SULT6B1: variants seen among roughly 807,000 people sequenced by gnomAD.
SULT6B1 encodes the protein sulfotransferase 6B1.
In SULT6B1, 44 loss-of-function variants were observed where a neutral mutation model predicts 37.2. The observed-to-expected ratio is 1.18, with a 90% CI of 0.93 to 1.52. The LOEUF (loss-of-function observed/expected upper bound fraction) is 1.52. Among genes scored for constraint, SULT6B1 ranks in the 40% most tolerant of loss-of-function variants. The pLI is 0.00. For missense variants in SULT6B1, 450 were observed against 361.0 expected, an observed-to-expected ratio of 1.25 and a Z score of -2.00; for synonymous variants, 140 against 126.0, an observed-to-expected ratio of 1.11 and a Z score of -0.74.
chr2:37,173,500 A>G (rs1387437287), intron 5 of SULT6B1, among the ~76,000 whole-genome samples: 1 of 152,168 alleles, frequency 6.6e-6, no homozygotes, highest in South Asian at 2.1e-4. Context: ...CCAACTGCCT[A>G]CTTGACTTCT....
chr2:37,191,316 CA>C (rs1357418177), upstream of SULT6B1: 5 of 146,240 alleles, frequency 3.4e-5, no homozygotes, highest in Admixed American at 1.4e-4. Context: ...TTTAGGACCA[CA>C]AGGGCAATAA....
At chr2:37,170,291 A>T (rs1676264801) in intron 6 of SULT6B1, among the ~76,000 whole-genome samples, 1 of 151,740 alleles carries the variant, frequency 6.6e-6, no homozygotes, top group South Asian at 2.1e-4. Context: ...ACATGGTGAA[A>T]CCCCATCTCT....
chr2:37,171,193 T>C lies in SULT6B1; in HGVS notation c.781+241A>G, dbSNP rs910543472. 3.3e-5 allele frequency among the ~76,000 whole-genome samples: 5 copies of C among 152,108 alleles called. 1 individual carries two copies. The highest frequency in any genetic ancestry group is 2.6e-4 in the Admixed American group (4 of 15,278). On this transcript the variant is annotated intron_variant, in intron 6 of 6. Transcript: ENST00000535679. ...AGGCGGAGGTTGCAGTGAGCTGAGA[T>C]TGAGCCACTGCACTCCAGCCTGGGC...
chr2:37,181,463 C>T (rs1442529838), intron 3 of SULT6B1, among the ~76,000 whole-genome samples: 1 of 152,172 alleles, frequency 6.6e-6, no homozygotes, highest in African/African-American at 2.4e-5. Flanking sequence ...TCACTGCAAC[C>T]TCTGCCTCCT....
intron 4 of SULT6B1, among the ~76,000 whole-genome samples, chr2:37,179,080 TC>T (rs1289108982): frequency 2.6e-5 from 4 of 152,212 alleles, no homozygotes; most frequent in African/African-American, 9.6e-5. Context: ...TGCTTCAGCT[TC>T]CCGAGTAGCT....
intron 1 of SULT6B1, among the ~76,000 whole-genome samples, chr2:37,193,712 G>A (rs1413062786): frequency 6.6e-6 from 1 of 152,090 alleles, no homozygotes; most frequent in Non-Finnish European, 1.5e-5. Flanking sequence ...TAGGCTTTAA[G>A]GTGAAGATGG....
upstream of SULT6B1, chr2:37,191,098 G>C (rs1676770579): frequency 6.6e-6 from 1 of 152,018 alleles, no homozygotes; most frequent in Non-Finnish European, 1.5e-5. Flanking sequence ...GTCAGGATTT[G>C]GAGGGGCTAG....
At chr2:37,190,682 C>T (rs909408655), upstream of SULT6B1, among the ~76,000 whole-genome samples, 6 of 152,126 alleles carry the variant, frequency 3.9e-5, no homozygotes, top group African/African-American at 1.4e-4. Context: ...TCTAAAGTAC[C>T]ACCTTAAATT....
upstream of SULT6B1, among the ~76,000 whole-genome samples, chr2:37,190,401 G>GTC (rs1676757983): frequency 1.3e-5 from 2 of 152,136 alleles, no homozygotes; most frequent in African/African-American, 2.4e-5. Flanking sequence ...AAGCTGTACT[G>GTC]TCATTCATGT....
At chr2:37,191,584 A>C (rs1242821267), upstream of SULT6B1, among the ~76,000 whole-genome samples, 2 of 152,202 alleles carry the variant, frequency 1.3e-5, no homozygotes, top group Non-Finnish European at 2.9e-5. Context: ...TCCTGCATTC[A>C]AGAAGAATGA....
At chr2:37,182,549 G>A (rs866129894) in intron 3 of SULT6B1, among the ~76,000 whole-genome samples, 10 of 152,154 alleles carry the variant, frequency 6.6e-5, no homozygotes, top group African/African-American at 2.2e-4. Flanking sequence ...GGCTGGTCTC[G>A]AACTACTGAC....
intron 6 of SULT6B1, among the ~76,000 whole-genome samples, chr2:37,170,371 G>A (rs953115140): frequency 1.3e-5 from 2 of 152,124 alleles, no homozygotes; most frequent in Admixed American, 1.3e-4. Flanking sequence ...GGAGGCTGAG[G>A]CAGGAGAATC....
intron 4 of SULT6B1, among the ~76,000 whole-genome samples, chr2:37,176,730 C>T (rs1039438160): frequency 5.9e-5 from 9 of 152,002 alleles, no homozygotes; most frequent in Non-Finnish European, 8.8e-5. Context: ...CTAACCAAAC[C>T]CTGATTATTT....
Position 37,183,529 on chromosome 2 carries a change from C to A in SULT6B1, c.313-15G>T. ...CCTTTCATTCTCTTAAAAATATACA[C>A]AAAAAGGTGAAAATGTGCACGTGTG... On this transcript the variant is annotated splice_polypyrimidine_tract_variant and intron_variant, in intron 2 of 6. Coordinates refer to ENST00000535679, the MANE Select transcript of SULT6B1 (RefSeq NM_001367551.1). The A allele has an allele frequency of 1.9e-6, 3 of 1,603,326 alleles. No homozygotes were observed. Among genetic ancestry groups the A allele is most frequent in the Non-Finnish European group, 2.6e-6 (3 of 1,170,306 alleles).
chr2:37,170,997 G>A (rs1480469144), intron 6 of SULT6B1, among the ~76,000 whole-genome samples: 3 of 151,960 alleles, frequency 2.0e-5, no homozygotes, highest in East Asian at 1.9e-4. Flanking sequence ...CCAGCACTTC[G>A]GGAGGCCAAG....
intron 2 of SULT6B1, among the ~76,000 whole-genome samples, chr2:37,183,726 C>T (rs1054310434): frequency 2.0e-5 from 3 of 152,176 alleles, no homozygotes; most frequent in Non-Finnish European, 2.9e-5. Flanking sequence ...TCACCGCAAC[C>T]TCTGCCTCCC....
chr2:37,187,590 T>A (rs1676702832), intron 1 of SULT6B1, 123 bp from the exon 2 acceptor site: 1 of 503,550 alleles, frequency 2.0e-6, no homozygotes. Context: ...GTATATTTAG[T>A]TCTTCTGTCT....
At chr2:37,171,900 T>C (rs754168064) in intron 5 of SULT6B1, among the ~76,000 whole-genome samples, 1 of 152,186 alleles carries the variant, frequency 6.6e-6, no homozygotes, top group African/African-American at 2.4e-5. Flanking sequence ...ATGATATCAT[T>C]GCATTAAAAA....
At position 37,188,527 on chromosome 2, in the gene SULT6B1, G is replaced by T; in HGVS notation, c.114C>A (p.Thr38=). The T allele has an allele frequency of 1.2e-6, 2 of 1,614,112 alleles. No homozygotes were observed. Among genetic ancestry groups the T allele is most frequent in the East Asian group, 4.5e-5 (2 of 44,888 alleles). The part of the protein sequence containing the change: ...FTYQGIPYPI[T]MCTSETFQAL... ...CTTGGAAAGTTTCTGAGGTGCACATGGTGATGGGGTAAGGAATCCCCTGAT... is the reference window on the plus strand; with the variant it reads ...CTTGGAAAGTTTCTGAGGTGCACATTGTGATGGGGTAAGGAATCCCCTGAT... The change falls in exon 1 of 7, where the codon ACC becomes ACA. Residue 38 remains threonine, a synonymous_variant. Coordinates refer to ENST00000535679, the MANE Select transcript of SULT6B1 (RefSeq NM_001367551.1).
Sources: gnomAD v4.1 joint callset for allele counts (sites outside exome capture counted in the v4.1 genomes callset) on GRCh38, gnomAD v4.1.1 for gene constraint, MANE v1.5 for transcripts, NCBI Gene and HGNC (gene_info 2026-07-23, HGNC 2026-07-21) for gene names.